Variants in ADRA1A observed in about 807,000 individuals in gnomAD.
ADRA1A encodes alpha-1A adrenergic receptor.
Under a neutral mutation model 29.6 loss-of-function variants are expected in ADRA1A, and 31 were observed. That is an observed-to-expected ratio of 1.05 (90% CI 0.79 to 1.41). ADRA1A has a LOEUF of 1.41. Ranked by LOEUF, ADRA1A falls within the 40% of genes most tolerant of loss-of-function variation. The pLI is 0.00. For missense variants in ADRA1A, 619 were observed against 601.1 expected, an observed-to-expected ratio of 1.03 and a Z score of -0.31; for synonymous variants, 311 against 254.3, an observed-to-expected ratio of 1.22 and a Z score of -2.12.
At position 26,853,439 on chromosome 8, in the gene ADRA1A, A is replaced by G. The variant is rs182223143; in HGVS notation, c.883+10648T>C. ...ATAGACAAAATAATTTTGAAAAAGAATATTCATCCAGGCCTTAACCTAGAG... is the reference window on the plus strand; with the variant it reads ...ATAGACAAAATAATTTTGAAAAAGAGTATTCATCCAGGCCTTAACCTAGAG... On this transcript the variant is annotated intron_variant, in intron 2 of 2. Coordinates refer to ENST00000380573, the MANE Select transcript of ADRA1A (RefSeq NM_000680.4). 9.2e-5 allele frequency among the ~76,000 whole-genome samples: 14 copies of G among 152,374 alleles called. No homozygotes were observed. In the South Asian group the frequency reaches 2.5e-3, roughly 27 times the overall value.
chr8:26,783,256 C>A (rs1233254959), intron 2 of ADRA1A, among the ~76,000 whole-genome samples: 2 of 152,096 alleles, frequency 1.3e-5, no homozygotes, highest in Non-Finnish European at 2.9e-5. Context: ...ATTCACTTGG[C>A]TGGATAAGTA....
chr8:26,846,080 T>C (rs959464973), intron 2 of ADRA1A, among the ~76,000 whole-genome samples: 6 of 152,240 alleles, frequency 3.9e-5, no homozygotes, highest in African/African-American at 1.4e-4. Context: ...TTTTACGTTA[T>C]GTGAATTTAA....
intron 2 of ADRA1A, chr8:26,779,203 A>G (rs1806771674): frequency 1.5e-6 from 1 of 659,068 alleles, no homozygotes; most frequent in Non-Finnish European, 2.7e-6. Context: ...AGATGGGAGC[A>G]GGAACCCAAT....
rs17334323 is a variant in ADRA1A, at chr8:26,831,309, G to A, written c.883+32778C>T. 0.39 allele frequency among the ~76,000 whole-genome samples: 58,725 copies of A among 152,024 alleles called. 11,710 individuals are homozygous for A. The highest frequency in any genetic ancestry group is 0.47 in the East Asian group (2,434 of 5,160). On this transcript the variant is annotated intron_variant, in intron 2 of 2. Transcript: ENST00000380573. This position sits in a 1 kb window ranked among gnomAD's most constrained non-coding sequence, Gnocchi z 5.2. Reference sequence around the variant, plus strand: ...TTCTGTGTCACAAAAACAGCATATAGGGTCAGCTTAATTTCACACACAAGT... The same window carrying A: ...TTCTGTGTCACAAAAACAGCATATAAGGTCAGCTTAATTTCACACACAAGT...
intron 2 of ADRA1A, among the ~76,000 whole-genome samples, chr8:26,749,748 C>T (rs1804842219): frequency 6.6e-6 from 1 of 152,146 alleles, no homozygotes; most frequent in African/African-American, 2.4e-5. Context: ...AAGACTCCTC[C>T]ATGGCCAGCC....
chr8:26,832,983 A>G (rs574157936), intron 2 of ADRA1A, among the ~76,000 whole-genome samples: 1 of 152,348 alleles, frequency 6.6e-6, no homozygotes, highest in Non-Finnish European at 1.5e-5. Flanking sequence ...TGGCCCTCCC[A>G]GCACCATAGG....
intron 2 of ADRA1A, among the ~76,000 whole-genome samples, chr8:26,836,612 C>T (rs536716074): frequency 5.9e-5 from 9 of 152,258 alleles, no homozygotes; most frequent in South Asian, 2.1e-4. Flanking sequence ...TAAGAAGAGA[C>T]GTGTAGCGAG....
chr8:26,864,348 A>G lies in ADRA1A; in HGVS notation c.622T>C (p.Tyr208His). ...AIILVMYCRV[Y>H]VVAKRESRGL... ...CGGCTCTCCCTCTTGGCCACCACGT[A>G]GACGCGGCAGTACATGACCAGGATG... is the stretch of plus-strand genomic sequence containing the variant. Residue 208 changes from tyrosine (Y) to histidine (H), a missense_variant, in exon 2 of 3, where the codon TAC becomes CAC. Coordinates refer to ENST00000380573, the MANE Select transcript of ADRA1A (RefSeq NM_000680.4). This position sits in a 1 kb window ranked among gnomAD's most constrained non-coding sequence, Gnocchi z 8.1. 6.2e-7 allele frequency: 1 copy of G among 1,614,050 alleles called. No individual in the cohort carries two copies. The highest frequency in any genetic ancestry group is 1.3e-5 in the African/African-American group (1 of 75,042).
In ADRA1A at chr8:26,865,830, C is replaced by T. The variant is rs980582151; in HGVS notation, c.-686-175G>A. 2.5e-6 allele frequency: 1 copy of T among 394,664 alleles called. No homozygotes were observed. The highest frequency in any genetic ancestry group is 3.4e-6 in the Non-Finnish European group (1 of 290,204). 24.4% of individuals were successfully genotyped at this position (394,664 alleles called of 1,614,324 possible). ...TTCGGAGCTCATCTCGCGCCCCCAC[C>T]ACTGGGAACCTGCCTAGCGCACTCT... is the stretch of plus-strand genomic sequence containing the variant. On this transcript the variant is annotated intron_variant, in intron 1 of 2. Coordinates refer to ENST00000380573, the MANE Select transcript of ADRA1A (RefSeq NM_000680.4). The surrounding 1 kb of genome is among the most constrained non-coding windows in gnomAD (Gnocchi z 7.6).
At chr8:26,754,059 T>C (rs1170375665), downstream of ADRA1A, among the ~76,000 whole-genome samples, 1 of 152,224 alleles carries the variant, frequency 6.6e-6, no homozygotes, top group African/African-American at 2.4e-5. Flanking sequence ...AAAAGAAACA[T>C]AAAATCAACG....
chr8:26,800,085 C>A (rs890673157), intron 2 of ADRA1A, among the ~76,000 whole-genome samples: 1 of 151,994 alleles, frequency 6.6e-6, no homozygotes, highest in Non-Finnish European at 1.5e-5. Flanking sequence ...ATTGTGAAAC[C>A]CTGTCTCTAC....
In ADRA1A at chr8:26,820,774, T is replaced by C. The variant is rs73562195; in HGVS notation, c.883+43313A>G. Among the ~76,000 whole-genome samples, 406 of 152,326 alleles carry C rather than the reference T, an allele frequency of 2.7e-3. 1 individual carries two copies. The highest frequency in any genetic ancestry group is 8.8e-3 in the African/African-American group (364 of 41,568). On this transcript the variant is annotated intron_variant, in intron 2 of 2. Coordinates refer to ENST00000380573, the MANE Select transcript of ADRA1A (RefSeq NM_000680.4). ...ATAGGTAATGAGCATATATATCTAG[T>C]CACATTTAAAAAAATAGAATTTATT...
chr8:26,754,956 A>G (rs902930989), downstream of ADRA1A, among the ~76,000 whole-genome samples: 2 of 152,150 alleles, frequency 1.3e-5, no homozygotes, highest in African/African-American at 2.4e-5. Flanking sequence ...ATAGTGATTC[A>G]GTTATTTTCT....
intron 2 of ADRA1A, among the ~76,000 whole-genome samples, chr8:26,856,452 G>A (rs914031391): frequency 3.3e-5 from 5 of 152,160 alleles, no homozygotes; most frequent in Non-Finnish European, 7.3e-5. Context: ...TTGTATAATG[G>A]CTATAAAGCC....
At chr8:26,835,947 T>A (rs557023696) in intron 2 of ADRA1A, 1 of 157,548 alleles carries the variant, frequency 6.3e-6, no homozygotes, top group Admixed American at 6.4e-5. Context: ...GGGAGAAGGA[T>A]GAAGGACATA....
intron 2 of ADRA1A, among the ~76,000 whole-genome samples, chr8:26,777,651 G>A (rs1307280249): frequency 6.6e-6 from 1 of 152,206 alleles, no homozygotes; most frequent in Non-Finnish European, 1.5e-5. Flanking sequence ...GTTGGCATGT[G>A]GAGTCTTTTC....
intron 2 of ADRA1A, among the ~76,000 whole-genome samples, chr8:26,855,087 G>A (rs1348325433): frequency 6.6e-6 from 1 of 152,172 alleles, no homozygotes; most frequent in Non-Finnish European, 1.5e-5. Flanking sequence ...CCAGTCTATG[G>A]CATTTTATTA....
chr8:26,863,948 C>T lies in ADRA1A; in HGVS notation c.883+139G>A, dbSNP rs117194502. ...GAAAATTCACTTTTCTACAAGGGAGCCTTTTCTAATTGCCCTAGAGCTGTG... is the reference window on the plus strand; with the variant it reads ...GAAAATTCACTTTTCTACAAGGGAGTCTTTTCTAATTGCCCTAGAGCTGTG... On this transcript the variant is annotated intron_variant, in intron 2 of 2. Transcript: ENST00000380573. The T allele has an allele frequency of 3.6e-4, 301 of 846,106 alleles. No homozygotes were observed. The East Asian group carries it at 6.4e-3, about 18-fold the overall frequency. The allele number at this position is 846,106 out of a possible 1,614,324, so 52.4% of individuals were successfully genotyped here.
Position 26,815,342 on chromosome 8 carries a change from A to G in ADRA1A, c.884-44676T>C, listed in dbSNP as rs1190392882. On this transcript the variant is annotated intron_variant, in intron 2 of 2. Transcript: ENST00000380573. The surrounding 1 kb of genome is among the most constrained non-coding windows in gnomAD (Gnocchi z 4.2). The stretch of plus-strand genomic sequence containing the variant: ...TAAGCTTTCTTTTACATGCATGGTT[A>G]GGTTTGCAAGATAGTAAAATTTTTC... Among the ~76,000 whole-genome samples, 1 of 152,262 alleles carries G rather than the reference A, an allele frequency of 6.6e-6. No individual in the cohort carries two copies. The highest frequency in any genetic ancestry group is 1.5e-5 in the Non-Finnish European group (1 of 68,040).
Sources: gnomAD v4.1 joint callset for allele counts (sites outside exome capture counted in the v4.1 genomes callset) on GRCh38, gnomAD v4.1.1 for gene constraint, Gnocchi (gnomAD v3.1) non-coding constraint, MANE v1.5 for transcripts, NCBI Gene and HGNC (gene_info 2026-07-23, HGNC 2026-07-21) for gene names.